Variants in SYCP1 observed in about 807,000 individuals in gnomAD.
The protein encoded by SYCP1 is synaptonemal complex protein 1.
In SYCP1, 64 loss-of-function variants were observed where a neutral mutation model predicts 153.1. The observed-to-expected ratio is 0.42, with a 90% CI of 0.34 to 0.51. The LOEUF is 0.51. Among genes scored for constraint, SYCP1 ranks in the 20% least tolerant of loss-of-function variants. The pLI, the probability that SYCP1 is intolerant of heterozygous loss-of-function variation, is 0.06. For missense variants in SYCP1, 997 were observed against 1,049.0 expected, an observed-to-expected ratio of 0.95 and a Z score of 0.68; for synonymous variants, 384 against 341.8, an observed-to-expected ratio of 1.12 and a Z score of -1.36.
At chr1:114,918,397 G>A (rs1397919366) in intron 20 of SYCP1, among the ~76,000 whole-genome samples, 1 of 152,004 alleles carries the variant, frequency 6.6e-6, no homozygotes, top group African/African-American at 2.4e-5. Flanking sequence ...CTATAGCTAG[G>A]TAGTACATTT....
intron 27 of SYCP1, among the ~76,000 whole-genome samples, chr1:114,967,803 T>G (rs1049951977): frequency 2.6e-5 from 4 of 152,234 alleles, no homozygotes; most frequent in Non-Finnish European, 5.9e-5. Context: ...TTGGTATGTT[T>G]TTGCAGTGGC....
intron 20 of SYCP1, among the ~76,000 whole-genome samples, chr1:114,920,847 T>C (rs913678734): frequency 3.9e-5 from 6 of 152,168 alleles, no homozygotes; most frequent in African/African-American, 1.4e-4. Context: ...ACCGTTCCTA[T>C]ATTTTCAGTC....
intron 23 of SYCP1, among the ~76,000 whole-genome samples, chr1:114,936,398 T>C (rs1670016758): frequency 1.3e-5 from 2 of 152,176 alleles, no homozygotes; most frequent in Admixed American, 6.5e-5. Flanking sequence ...TGATGGAACA[T>C]ATCTCAAAAT....
At position 114,876,739 on chromosome 1, in the gene SYCP1, A is replaced by G; in HGVS notation, c.730A>G (p.Lys244Glu). The change falls in exon 11 of 32, where the codon AAG becomes GAG. Residue 244 changes from lysine (K) to glutamate (E), a missense_variant and splice_region_variant. Lys to Glu is a moderately conservative substitution (Grantham distance 56, BLOSUM62 1). Around this residue, in one of 2 missense-constraint regions of SYCP1, gnomAD observed 285 missense variants for 366.1 expected, o/e 0.78. Coordinates refer to ENST00000369522, the MANE Select transcript of SYCP1 (RefSeq NM_003176.4). ...NSRLEMHFKL[K>E]EDYEKIQHLE... ...GTATATTTGTTTTATTTTTAAAGTA[A>G]AGGAAGATTATGAAAAAATCCAACA... 7.4e-7 allele frequency: 1 copy of G among 1,349,130 alleles called. No individual in the cohort carries two copies. 83.6% of individuals were successfully genotyped at this position (1,349,130 alleles called of 1,614,324 possible).
chr1:114,893,190 GTT>G (rs1479091469), intron 15 of SYCP1, among the ~76,000 whole-genome samples: 11 of 152,086 alleles, frequency 7.2e-5, no homozygotes, highest in Non-Finnish European at 1.5e-4. Flanking sequence ...AGCCTTTCTT[GTT>G]TTTAAACTTT....
chr1:114,882,865 T>C (rs1306323988), intron 12 of SYCP1, among the ~76,000 whole-genome samples: 1 of 152,198 alleles, frequency 6.6e-6, no homozygotes, highest in Non-Finnish European at 1.5e-5. Context: ...AATCTGCCTG[T>C]GAGTTGGTTT....
chr1:114,972,565 C>T (rs902876855), intron 27 of SYCP1, among the ~76,000 whole-genome samples: 2 of 152,066 alleles, frequency 1.3e-5, no homozygotes, highest in South Asian at 4.1e-4. Flanking sequence ...CCTCTTAGTA[C>T]TGCATTTGCT....
At chr1:114,880,219 C>T (rs1392637159) in intron 12 of SYCP1, among the ~76,000 whole-genome samples, 1 of 152,180 alleles carries the variant, frequency 6.6e-6, no homozygotes, top group Non-Finnish European at 1.5e-5. Flanking sequence ...TCTTTCTTCT[C>T]CAAGAACTCA....
At chr1:114,898,546 A>G (rs1437421654) in intron 16 of SYCP1, among the ~76,000 whole-genome samples, 1 of 152,160 alleles carries the variant, frequency 6.6e-6, no homozygotes, top group Non-Finnish European at 1.5e-5. Context: ...GTTCATAGGA[A>G]CAAGCAGGAT....
At chr1:114,898,692 C>T (rs1667222894) in intron 16 of SYCP1, among the ~76,000 whole-genome samples, 4 of 152,142 alleles carry the variant, frequency 2.6e-5, no homozygotes, top group Admixed American at 2.6e-4. Context: ...CATGATAGGA[C>T]TGAGTTGTTT....
At chr1:114,866,830 G>GT (rs910196131) in intron 8 of SYCP1, among the ~76,000 whole-genome samples, 1 of 148,272 alleles carries the variant, frequency 6.7e-6, no homozygotes, top group Non-Finnish European at 1.5e-5. Flanking sequence ...TTTATGGTTT[G>GT]TATTTTACAT....
chr1:114,881,100 T>C (rs1042195850), intron 12 of SYCP1, among the ~76,000 whole-genome samples: 28 of 141,122 alleles, frequency 2.0e-4, no homozygotes, highest in African/African-American at 7.7e-4. Flanking sequence ...CACACATTTC[T>C]TTATCCAGTC....
chr1:114,961,511 T>C (rs561955331), intron 27 of SYCP1, among the ~76,000 whole-genome samples: 3 of 152,360 alleles, frequency 2.0e-5, no homozygotes, highest in African/African-American at 7.2e-5. Context: ...CTGCTTTTGC[T>C]GTATCTCAGA....
chr1:114,922,592 C>A (rs1395268024), intron 20 of SYCP1, among the ~76,000 whole-genome samples: 3 of 152,074 alleles, frequency 2.0e-5, no homozygotes, highest in Non-Finnish European at 2.9e-5. Context: ...CATGAGGGAT[C>A]CTCCCCCACA....
intron 8 of SYCP1, 39 bp downstream of exon 8, chr1:114,860,848 A>G: frequency 6.9e-7 from 1 of 1,447,590 alleles, no homozygotes; most frequent in Non-Finnish European, 9.3e-7. Flanking sequence ...TTATCAATTT[A>G]TTTTACTGGT....
intron 27 of SYCP1, among the ~76,000 whole-genome samples, 169 bp downstream of exon 27, chr1:114,947,489 G>A (rs984177175): frequency 6.6e-6 from 1 of 152,040 alleles, no homozygotes; most frequent in Non-Finnish European, 1.5e-5. Flanking sequence ...ATTTCCTAAT[G>A]TAAATGCAAA....
At chr1:114,955,508 T>C (rs1274506646) in intron 27 of SYCP1, among the ~76,000 whole-genome samples, 1 of 152,184 alleles carries the variant, frequency 6.6e-6, no homozygotes, top group East Asian at 1.9e-4. Context: ...ACTGGTAGCC[T>C]TCTCCAGTGA....
chr1:114,883,286 T>G (rs1666077534), intron 12 of SYCP1, among the ~76,000 whole-genome samples: 1 of 152,224 alleles, frequency 6.6e-6, no homozygotes, highest in South Asian at 2.1e-4. Flanking sequence ...TTTACTGATA[T>G]CTTCCTTTAG....
At chr1:114,960,186 G>A (rs1343972142) in intron 27 of SYCP1, among the ~76,000 whole-genome samples, 7 of 18,090 alleles carry the variant, frequency 3.9e-4, no homozygotes, top group Admixed American at 1.9e-3. Context: ...TTTTTTTTTT[G>A]AGATGGAGTC....
Sources: gnomAD v4.1 joint callset for allele counts (sites outside exome capture counted in the v4.1 genomes callset) on GRCh38, gnomAD v4.1.1 for gene constraint, gnomAD v4.1.1 regional missense constraint, MANE v1.5 for transcripts, NCBI Gene and HGNC (gene_info 2026-07-23, HGNC 2026-07-21) for gene names.